The following ABCC4 variants were observed in gnomAD, a reference collection of about 807,000 sequenced individuals.
ABCC4 encodes ATP-binding cassette sub-family C member 4.
ABCC4 carries 102 observed loss-of-function variants against 168.5 expected under a neutral mutation model. The ratio of observed to expected loss-of-function variants is 0.61; its 90% CI spans 0.52 to 0.71. ABCC4 has a LOEUF of 0.71. Ranked by LOEUF, ABCC4 falls within the 30% of genes least tolerant of loss-of-function variation. The pLI is 0.00. For missense variants in ABCC4, 1,402 were observed against 1,605.8 expected, an observed-to-expected ratio of 0.87 and a Z score of 2.17; for synonymous variants, 617 against 590.7, an observed-to-expected ratio of 1.04 and a Z score of -0.65.
intron 1 of ABCC4, among the ~76,000 whole-genome samples, chr13:95,290,003 G>A (rs1015538700): frequency 1.3e-5 from 2 of 152,058 alleles, no homozygotes; most frequent in Non-Finnish European, 2.9e-5. Flanking sequence ...GGCTAAGGCA[G>A]GAGAACTGCT....
At chr13:95,164,167 C>T (rs1394965470) in intron 16 of ABCC4, among the ~76,000 whole-genome samples, 1 of 152,012 alleles carries the variant, frequency 6.6e-6, no homozygotes, top group Non-Finnish European at 1.5e-5. Context: ...CAAGAAAATG[C>T]ATATTCCATT....
At chr13:95,215,199 T>C (rs997311578) in intron 4 of ABCC4, among the ~76,000 whole-genome samples, 6 of 152,168 alleles carry the variant, frequency 3.9e-5, no homozygotes, top group African/African-American at 1.4e-4. Flanking sequence ...GGCAGTCAAA[T>C]TGCTTGAGCT....
At chr13:95,176,263 G>A (rs1457488752) in intron 13 of ABCC4, among the ~76,000 whole-genome samples, 8 of 127,148 alleles carry the variant, frequency 6.3e-5, no homozygotes, top group Non-Finnish European at 1.3e-4. Context: ...CTTGAGCCCA[G>A]GAGTTCGAGA....
chr13:95,258,785 G>A (rs2040455725), intron 1 of ABCC4, among the ~76,000 whole-genome samples: 1 of 152,192 alleles, frequency 6.6e-6, no homozygotes, highest in Admixed American at 6.5e-5. Flanking sequence ...GAATGTGCAG[G>A]TCACTTGAGG....
Position 95,124,713 on chromosome 13 carries a change from G to GAAAA in ABCC4, c.2456-8716_2456-8713dup, listed in dbSNP as rs59665124. Among the ~76,000 whole-genome samples the GAAAA allele has an allele frequency of 5.7e-4, 34 of 59,200 alleles. 2 individuals carry two copies. Among genetic ancestry groups the GAAAA allele is most frequent in the African/African-American group, 1.5e-3 (18 of 12,406 alleles). The allele number at this position is 59,200 out of a possible 152,430, so 38.8% of individuals were successfully genotyped here. A position where few individuals can be genotyped will look rare whatever the true frequency, so the allele number is the denominator to read the frequency against. On this transcript the variant is annotated intron_variant, in intron 19 of 30. Coordinates refer to ENST00000645237, the MANE Select transcript of ABCC4 (RefSeq NM_005845.5). ...GTGAAACCCTGTCTCTACTAAAAACGAAAAAAAAAAAAAAAAAAAAAGCCA... is the reference window on the plus strand; with the variant it reads ...GTGAAACCCTGTCTCTACTAAAAACGAAAAAAAAAAAAAAAAAAAAAAAAAGCCA...
chr13:95,095,601 G>A (rs1159053155), intron 20 of ABCC4, among the ~76,000 whole-genome samples: 1 of 152,038 alleles, frequency 6.6e-6, no homozygotes, highest in Non-Finnish European at 1.5e-5. Context: ...ACACTGCTTG[G>A]GTGATGGGTG....
chr13:95,098,185 T>C (rs1445218575), intron 20 of ABCC4, among the ~76,000 whole-genome samples: 1 of 141,184 alleles, frequency 7.1e-6, no homozygotes, highest in Non-Finnish European at 1.6e-5. Context: ...CTGTAGATAA[T>C]GAAAACACAA....
chr13:95,249,748 A>G (rs2040206579), intron 1 of ABCC4, among the ~76,000 whole-genome samples: 1 of 152,204 alleles, frequency 6.6e-6, no homozygotes, highest in East Asian at 1.9e-4. Flanking sequence ...AGGACTTCTA[A>G]GTAAAATTCA....
In ABCC4 at chr13:95,280,878, C is replaced by T. The variant is rs893555660; in HGVS notation, c.74+20363G>A. ...AGCAACAAGGAGAGGGGAAGAGATC[C>T]TATTTTGGCTTCTTCAAATGGACCA... On this transcript the variant is annotated intron_variant, in intron 1 of 30. Transcript: ENST00000645237. 2.6e-5 allele frequency among the ~76,000 whole-genome samples: 4 copies of T among 152,022 alleles called. No homozygotes were observed. In the South Asian group the frequency reaches 8.3e-4, roughly 32 times the overall value.
At chr13:95,149,299 A>C (rs1162814693) in intron 19 of ABCC4, among the ~76,000 whole-genome samples, 1 of 152,202 alleles carries the variant, frequency 6.6e-6, no homozygotes, top group African/African-American at 2.4e-5. Context: ...CCAACTTGGC[A>C]CCAATAAGAA....
chr13:95,237,695 T>G (rs139014961), intron 3 of ABCC4, among the ~76,000 whole-genome samples: 229 of 152,266 alleles, frequency 1.5e-3, no homozygotes, highest in African/African-American at 5.3e-3. Flanking sequence ...ACATTACATG[T>G]CTAGGCCCAG....
At chr13:95,189,323 C>A (rs1047740772) in intron 9 of ABCC4, among the ~76,000 whole-genome samples, 1 of 150,930 alleles carries the variant, frequency 6.6e-6, no homozygotes, top group Non-Finnish European at 1.5e-5. Context: ...TTAGTAGAGA[C>A]GGGGTTTCAC....
intron 1 of ABCC4, among the ~76,000 whole-genome samples, chr13:95,289,689 C>T (rs73551406): frequency 0.013 from 2,007 of 152,264 alleles, 43 homozygotes; most frequent in African/African-American, 0.045. Flanking sequence ...AAAGGGGCAG[C>T]GAACCTTTGG....
chr13:95,072,569 T>C (rs1222620239), intron 24 of ABCC4, among the ~76,000 whole-genome samples: 1 of 152,230 alleles, frequency 6.6e-6, no homozygotes, highest in East Asian at 1.9e-4. Context: ...TACTCAACTT[T>C]TGCTCTATGA....
At chr13:95,154,282 T>C (rs1450644916) in intron 19 of ABCC4, among the ~76,000 whole-genome samples, 1 of 152,162 alleles carries the variant, frequency 6.6e-6, no homozygotes, top group Non-Finnish European at 1.5e-5. Context: ...CTAATGTACA[T>C]ATAAATGTGT....
rs753761116 is a variant in ABCC4, at chr13:95,071,713, A to G, written c.3159T>C (p.Gly1053=). ...TCAGATGCTTCAGTACCAGAGGCCCACCTGGACTGTACATGAAGTTCACAT... is the reference window on the plus strand; with the variant it reads ...TCAGATGCTTCAGTACCAGAGGCCCGCCTGGACTGTACATGAAGTTCACAT... The part of the protein sequence containing the change: ...FDNVNFMYSP[G]GPLVLKHLTA... Residue 1053 remains glycine (G), a synonymous_variant, in exon 25 of 31, where the codon GGT becomes GGC. Transcript: ENST00000645237. 1.9e-6 allele frequency: 3 copies of G among 1,581,688 alleles called. No homozygotes were observed. The highest frequency in any genetic ancestry group is 1.8e-5 in the Admixed American group (1 of 54,788).
intron 1 of ABCC4, among the ~76,000 whole-genome samples, chr13:95,298,880 C>T (rs1295806529): frequency 6.6e-6 from 1 of 152,076 alleles, no homozygotes; most frequent in Non-Finnish European, 1.5e-5. Context: ...ATCAGGGAAA[C>T]CGGAAATGAA....
In ABCC4 at chr13:95,178,113, G is replaced by C. The variant is rs145881658; in HGVS notation, c.1546-22C>G. 2.5e-6 allele frequency: 4 copies of C among 1,603,024 alleles called. No individual in the cohort carries two copies. The Admixed American group carries it at 5.0e-5, about 20-fold the overall frequency. On this transcript the variant is annotated intron_variant, in intron 11 of 30. Transcript: ENST00000645237. Reference sequence around the variant, plus strand: ...AATCCTGTATGGACAAAGGAAAGAAGGGGGGAAAAAGAGACTTAAAACATG... The same window carrying C: ...AATCCTGTATGGACAAAGGAAAGAACGGGGGAAAAAGAGACTTAAAACATG...
At chr13:95,232,445 G>A (rs1178362446) in intron 4 of ABCC4, among the ~76,000 whole-genome samples, 22 of 152,120 alleles carry the variant, frequency 1.4e-4, no homozygotes, top group African/African-American at 5.1e-4. Context: ...TTGGGAGGCC[G>A]AGACGGGCAG....
Sources: gnomAD v4.1 joint callset for allele counts (sites outside exome capture counted in the v4.1 genomes callset) on GRCh38, gnomAD v4.1.1 for gene constraint, MANE v1.5 for transcripts, NCBI Gene and HGNC (gene_info 2026-07-23, HGNC 2026-07-21) for gene names.